The following NFIB variants were observed in gnomAD, a reference collection of about 807,000 sequenced individuals.
NFIB encodes nuclear factor 1 B-type.
In NFIB, 11 loss-of-function variants were observed where a neutral mutation model predicts 61.5. The observed-to-expected ratio is 0.18, with a 90% CI of 0.11 to 0.30. The LOEUF (loss-of-function observed/expected upper bound fraction) is 0.30. Among genes scored for constraint, NFIB ranks in the 10% least tolerant of loss-of-function variants. The pLI is 1.00. For synonymous variants in NFIB, 260 were observed against 216.5 expected (o/e 1.20, Z -1.76); for missense variants, 471 against 608.9 (o/e 0.77, Z 2.38).
At position 14,313,955 on chromosome 9, in the gene NFIB, G is replaced by A. The variant is rs1462460824; in HGVS notation, c.-444C>T. On this transcript the variant is annotated 5_prime_UTR_variant, in exon 1 of 11. Transcript: ENST00000380953. This position sits in a 1 kb window ranked among gnomAD's most constrained non-coding sequence, Gnocchi z 4.5. ...CTTTTTCAAAAAAGGCGGGGAGGGG[G>A]GCGCGGGAGGGCGCAGGAGGGCGAG... 2 of 1,063,718 alleles carry A rather than the reference G, an allele frequency of 1.9e-6. No individual in the cohort carries two copies. The highest frequency in any genetic ancestry group is 2.3e-6 in the Non-Finnish European group (2 of 880,024). 65.9% of individuals were successfully genotyped at this position (1,063,718 alleles called of 1,614,324 possible).
chr9:14,367,258 G>C (rs1040802512), intron 1 of NFIB, among the ~76,000 whole-genome samples: 2 of 152,110 alleles, frequency 1.3e-5, no homozygotes, highest in African/African-American at 4.8e-5. Flanking sequence ...ATTATTAATT[G>C]TGACAGTTTC....
intron 2 of NFIB, among the ~76,000 whole-genome samples, chr9:14,206,640 A>G (rs2131682304): frequency 6.7e-6 from 1 of 150,340 alleles, no homozygotes; most frequent in South Asian, 2.1e-4. Flanking sequence ...TAGTACCTGC[A>G]AAGAGACCCT....
At chr9:14,406,660 G>A in the NFIB span, among the ~76,000 whole-genome samples, 2 of 152,132 alleles carry the variant, frequency 1.3e-5, no homozygotes, top group Admixed American at 1.3e-4. Context: ...GCTAGGTGTG[G>A]TCACGTGACT....
At chr9:14,259,670 G>A (rs1466103674) in intron 2 of NFIB, among the ~76,000 whole-genome samples, 2 of 152,176 alleles carry the variant, frequency 1.3e-5, no homozygotes, top group Non-Finnish European at 2.9e-5. Flanking sequence ...GGAGGCAAAG[G>A]CAGGCGGATC....
chr9:14,282,198 T>C (rs1273297236), intron 2 of NFIB, among the ~76,000 whole-genome samples: 1 of 152,178 alleles, frequency 6.6e-6, no homozygotes, highest in Admixed American at 6.5e-5. Context: ...ATAACATTTT[T>C]TCAGTAACCA....
At chr9:14,142,391 A>G (rs374866006) in intron 6 of NFIB, among the ~76,000 whole-genome samples, 2 of 151,810 alleles carry the variant, frequency 1.3e-5, no homozygotes, top group Non-Finnish European at 3.0e-5. Flanking sequence ...TGTGAAGCCT[A>G]CCCAGCCAAT....
At chr9:14,265,589 A>T (rs1236708841) in intron 2 of NFIB, among the ~76,000 whole-genome samples, 1 of 152,172 alleles carries the variant, frequency 6.6e-6, no homozygotes, top group Non-Finnish European at 1.5e-5. Flanking sequence ...TCTGTTGTTT[A>T]AGCAACACAG....
At chr9:14,318,505 C>G (rs905786434), upstream of NFIB, among the ~76,000 whole-genome samples, 1 of 66,844 alleles carries the variant, frequency 1.5e-5, no homozygotes, top group Non-Finnish European at 2.6e-5. Flanking sequence ...CACTCGATGC[C>G]TTTTTTTTTT....
intron 1 of NFIB, among the ~76,000 whole-genome samples, chr9:14,385,062 A>T (rs1199409262): frequency 6.6e-6 from 1 of 152,208 alleles, no homozygotes; most frequent in Admixed American, 6.5e-5. Flanking sequence ...ACTTAGCTAA[A>T]GTTCTTGGAC....
chr9:14,310,224 C>G (rs1433845451), intron 1 of NFIB, among the ~76,000 whole-genome samples: 1 of 152,154 alleles, frequency 6.6e-6, no homozygotes, highest in Non-Finnish European at 1.5e-5. Flanking sequence ...ACTTTGCTGT[C>G]AATGCTGCCA....
chr9:14,279,505 G>C (rs142511525), intron 2 of NFIB, among the ~76,000 whole-genome samples: 1 of 152,216 alleles, frequency 6.6e-6, no homozygotes, highest in East Asian at 1.9e-4. Context: ...GAGAAGGCAG[G>C]TCAAAAGGTA....
At chr9:14,369,304 T>G (rs192638701) in intron 1 of NFIB, among the ~76,000 whole-genome samples, 7 of 152,376 alleles carry the variant, frequency 4.6e-5, no homozygotes, top group Non-Finnish European at 8.8e-5. Context: ...CGAAGGGCTG[T>G]TCTGTGCCTT....
chr9:14,408,448 G>A, the NFIB span, among the ~76,000 whole-genome samples: 1 of 152,120 alleles, frequency 6.6e-6, no homozygotes, highest in African/African-American at 2.4e-5. Context: ...CATATGGTGA[G>A]TAGAATTCTA....
chr9:14,145,878 T>A (rs1028264220), intron 6 of NFIB, among the ~76,000 whole-genome samples: 2 of 152,048 alleles, frequency 1.3e-5, no homozygotes, highest in Non-Finnish European at 2.9e-5. Context: ...AGATTTTTTT[T>A]AATGCAGAAT....
intron 9 of NFIB, among the ~76,000 whole-genome samples, chr9:14,115,695 T>C (rs1275650765): frequency 6.6e-6 from 1 of 152,220 alleles, no homozygotes; most frequent in Non-Finnish European, 1.5e-5. Context: ...AATGTCCTCA[T>C]CTGTTCCCAA....
intron 10 of NFIB, among the ~76,000 whole-genome samples, chr9:14,101,922 G>C (rs149630275): frequency 0.021 from 3,125 of 152,178 alleles, 123 homozygotes; most frequent in Admixed American, 0.11. Flanking sequence ...TATGGGTGCT[G>C]TCAATAACAG....
chr9:14,507,631 G>C, the NFIB span, among the ~76,000 whole-genome samples: 1 of 152,106 alleles, frequency 6.6e-6, no homozygotes, highest in Non-Finnish European at 1.5e-5. Context: ...GACCATTCTT[G>C]GTAATGGGAA....
intron 1 of NFIB, among the ~76,000 whole-genome samples, chr9:14,371,107 CCAAAA>C (rs1390044343): frequency 2.0e-5 from 3 of 150,682 alleles, no homozygotes; most frequent in Admixed American, 1.3e-4. Context: ...AAAAACCAAA[CCAAAA>C]CAAAACAAAC....
At chr9:14,297,198 T>C (rs1289227124) in intron 2 of NFIB, among the ~76,000 whole-genome samples, 1 of 152,248 alleles carries the variant, frequency 6.6e-6, no homozygotes, top group African/African-American at 2.4e-5. Flanking sequence ...GCTGTTCTCA[T>C]ATCACAGTCT....
Sources: allele counts gnomAD v4.1 joint callset (sites outside exome capture counted in the v4.1 genomes callset), GRCh38; gene constraint gnomAD v4.1.1; non-coding constraint Gnocchi (gnomAD v3.1); transcripts MANE v1.5; gene names NCBI Gene and HGNC (gene_info 2026-07-23, HGNC 2026-07-21).